UNC80: variants seen among roughly 807,000 people sequenced by gnomAD.
UNC80 encodes the protein protein unc-80 homolog.
In UNC80, 164 loss-of-function variants were observed where a neutral mutation model predicts 384.6. The observed-to-expected ratio is 0.43, with a 90% CI of 0.38 to 0.49. The LOEUF is 0.49. UNC80 is among the 20% of genes least tolerant of loss of function. The pLI is 0.00. For missense variants in UNC80, 3,330 were observed against 4,143.0 expected (o/e 0.80, Z 5.39); for synonymous variants, 1,486 against 1,527.8 (o/e 0.97, Z 0.64).
At chr2:209,904,138 T>C (rs549363180) in intron 28 of UNC80, among the ~76,000 whole-genome samples, 410 of 152,292 alleles carry the variant, frequency 2.7e-3, no homozygotes, top group Non-Finnish European at 4.5e-3. Flanking sequence ...AATGGGAGAA[T>C]TATAGGAGAT....
At chr2:209,977,824 T>A (rs1473440566) in intron 58 of UNC80, among the ~76,000 whole-genome samples, 1 of 152,198 alleles carries the variant, frequency 6.6e-6, no homozygotes, top group Non-Finnish European at 1.5e-5. Flanking sequence ...TAAATCATTA[T>A]TTGCCATTAG....
At chr2:209,833,507 C>T (rs1274110118) in intron 16 of UNC80, among the ~76,000 whole-genome samples, 1 of 152,192 alleles carries the variant, frequency 6.6e-6, no homozygotes, top group African/African-American at 2.4e-5. Context: ...TCCAGCAAAA[C>T]ACATCATCCT....
In UNC80 at chr2:209,896,321, C is replaced by A. The variant is rs1479083048; in HGVS notation, c.4489C>A (p.Pro1497Thr). 3 of 1,551,610 alleles carry A rather than the reference C, an allele frequency of 1.9e-6. No homozygotes were observed. Among genetic ancestry groups the A allele is most frequent in the Non-Finnish European group, 2.6e-6 (3 of 1,146,918 alleles). Residue 1497 changes from proline (P) to threonine (T), a missense_variant, in exon 28 of 65, where the codon CCT becomes ACT. Pro to Thr is a conservative substitution (Grantham distance 38). Coordinates refer to ENST00000673920, the MANE Select transcript of UNC80 (RefSeq NM_001371986.1). ...GTATTTTTCTTTTGAAGAAGGGAGTCCTTGGAGTGCAAGCGAGCCCAGCAT... is the reference window on the plus strand; with the variant it reads ...GTATTTTTCTTTTGAAGAAGGGAGTACTTGGAGTGCAAGCGAGCCCAGCAT... ...RDTVTDLEGS[P>T]WSASEPSIEP... is the part of the protein sequence containing the mutation.
At chr2:209,940,194 G>C (rs1334689387) in intron 43 of UNC80, among the ~76,000 whole-genome samples, 1 of 152,128 alleles carries the variant, frequency 6.6e-6, no homozygotes, top group Non-Finnish European at 1.5e-5. Context: ...AGTTCAAAAA[G>C]AGGCAAAATT....
At chr2:209,838,266 C>G (rs2081482361) in intron 18 of UNC80, among the ~76,000 whole-genome samples, 1 of 146,134 alleles carries the variant, frequency 6.8e-6, no homozygotes, top group South Asian at 2.3e-4. Context: ...CCACCCCCCA[C>G]CCCGCACCCC....
chr2:209,777,123 C>G, intron 3 of UNC80, 135 bp from the exon 4 acceptor site: 1 of 1,038,148 alleles, frequency 9.6e-7, no homozygotes. Flanking sequence ...GTCCAAAAAG[C>G]AAGAATGAGC....
chr2:209,904,951 A>G lies in UNC80; in HGVS notation c.4768A>G (p.Lys1590Glu), dbSNP rs2124931080. 1 of 1,551,698 alleles carries G rather than the reference A, an allele frequency of 6.4e-7. No individual in the cohort carries two copies. Among genetic ancestry groups the G allele is most frequent in the Non-Finnish European group, 8.7e-7 (1 of 1,146,972 alleles). Residue 1590 changes from lysine (K) to glutamate (E), a missense_variant, in exon 29 of 65, where the codon AAG becomes GAG. Lys to Glu is a moderately conservative substitution (Grantham distance 56, BLOSUM62 1). Around this residue, in one of 8 missense-constraint regions of UNC80, gnomAD observed 801 missense variants for 950.8 expected, o/e 0.84. Coordinates refer to ENST00000673920, the MANE Select transcript of UNC80 (RefSeq NM_001371986.1). The part of the protein sequence containing the change: ...SNISSVALRG[K>E]KQKECSDKSC... ...CATCAGCAGTGTGGCTCTCCGGGGC[A>G]AGAAACAGAAAGAAGTAAGTAAATG...
At chr2:209,845,337 C>T (rs929890347) in intron 21 of UNC80, 1 of 152,166 alleles carries the variant, frequency 6.6e-6, no homozygotes. Context: ...GATTTTTCTC[C>T]TTGGTGGAAA....
chr2:209,922,499 A>T, intron 35 of UNC80, 116 bp downstream of exon 35: 5 of 1,248,408 alleles, frequency 4.0e-6, no homozygotes, highest in Non-Finnish European at 5.3e-6. Context: ...TTGTCTCATG[A>T]CTTGACATTC....
chr2:209,849,277 C>G (rs892715129), intron 21 of UNC80, among the ~76,000 whole-genome samples, 174 bp from the exon 22 acceptor site: 1 of 152,070 alleles, frequency 6.6e-6, no homozygotes. Flanking sequence ...TCCCAAAAGT[C>G]AGGATGTGTT....
In UNC80 at chr2:209,775,884, T is replaced by A. The variant is rs762587791; in HGVS notation, c.142-5T>A. 1 of 1,612,082 alleles carries A rather than the reference T, an allele frequency of 6.2e-7. No homozygotes were observed. The highest frequency in any genetic ancestry group is 1.3e-5 in the African/African-American group (1 of 74,816). On this transcript the variant is annotated splice_polypyrimidine_tract_variant and splice_region_variant and intron_variant, in intron 2 of 64. Coordinates refer to ENST00000673920, the MANE Select transcript of UNC80 (RefSeq NM_001371986.1). ...TTCTTATTGTTTTTGTTTTTGTATT[T>A]ACAGTCCTTTGAGCGAGTGTTGGTA... is the stretch of plus-strand genomic sequence containing the variant.
At chr2:209,959,447 A>G (rs1483744999) in intron 50 of UNC80, 42 bp from the exon 51 acceptor site, 1 of 1,530,070 alleles carries the variant, frequency 6.5e-7, no homozygotes, top group Non-Finnish European at 8.9e-7. Context: ...TGCTACATGA[A>G]TACATTTTCA....
Position 209,840,577 on chromosome 2 carries a change from G to A in UNC80, c.3286G>A (p.Ala1096Thr). Reference protein sequence around the residue: ...WLKRSSLSGLADGVEDLLDIS... With the variant: ...WLKRSSLSGLTDGVEDLLDIS... ...GAAGAGATCATCCCTCTCAGGCCTG[G>A]CAGATGGTGTGGAGGACCTCCTGGA... The change falls in exon 20 of 65, where the codon GCA (alanine) becomes ACA (threonine). Residue 1096 changes from alanine (A) to threonine (T), a missense_variant. By Grantham distance (58) the Ala-to-Thr change is moderately conservative (BLOSUM62 0). Transcript: ENST00000673920. The A allele has an allele frequency of 6.4e-7, 1 of 1,551,856 alleles. No individual in the cohort carries two copies.
chr2:209,778,131 G>A (rs533077130), intron 4 of UNC80, among the ~76,000 whole-genome samples: 2 of 152,230 alleles, frequency 1.3e-5, no homozygotes, highest in Non-Finnish European at 2.9e-5. Context: ...AGCCAGGCGC[G>A]GTGGCTCACA....
intron 7 of UNC80, among the ~76,000 whole-genome samples, chr2:209,802,358 TTTGAGTTAA>T (rs1302819137): frequency 6.8e-6 from 1 of 147,152 alleles, no homozygotes. Flanking sequence ...TGTAACTTAG[TTTGAGTTAA>T]TCATGCCATA....
intron 9 of UNC80, among the ~76,000 whole-genome samples, chr2:209,816,422 C>T (rs2079740316): frequency 6.6e-6 from 1 of 152,110 alleles, no homozygotes; most frequent in South Asian, 2.1e-4. Context: ...TTAAAGTTGG[C>T]TAACTGAAAC....
At chr2:209,923,944 T>C (rs189340576) in intron 35 of UNC80, among the ~76,000 whole-genome samples, 104 of 152,292 alleles carry the variant, frequency 6.8e-4, no homozygotes, top group Admixed American at 1.4e-3. Flanking sequence ...CCTGCCGTTT[T>C]AAAATATAAG....
intron 61 of UNC80, among the ~76,000 whole-genome samples, chr2:209,991,900 G>A (rs1262171744): frequency 1.3e-5 from 2 of 152,196 alleles, no homozygotes; most frequent in African/African-American, 2.4e-5. Flanking sequence ...AACCAGGGGT[G>A]TGATCAAACC....
Position 209,992,284 on chromosome 2 carries a change from C to T in UNC80, c.9396+37C>T, listed in dbSNP as rs774890085. ...CTTAAAGCGCAAGAGAACCATCCTA[C>T]GAATTGGAAGCTCTGTGTGATTTTT... On this transcript the variant is annotated intron_variant, in intron 62 of 64. Transcript: ENST00000673920. 93 of 1,527,502 alleles carry T rather than the reference C, an allele frequency of 6.1e-5. No homozygotes were observed. The East Asian group carries it at 1.0e-3, about 17-fold the overall frequency. The allele number at this position is 1,527,502 out of a possible 1,614,324, so 94.6% of individuals were successfully genotyped here. A position where few individuals can be genotyped will look rare whatever the true frequency, so the allele number is the denominator to read the frequency against.
Sources: allele counts gnomAD v4.1 joint callset (sites outside exome capture counted in the v4.1 genomes callset), GRCh38; gene constraint gnomAD v4.1.1; regional missense constraint gnomAD v4.1.1; transcripts MANE v1.5; gene names NCBI Gene and HGNC (gene_info 2026-07-23, HGNC 2026-07-21).